The following VPS13C variants were observed in gnomAD, a reference collection of about 807,000 sequenced individuals.
VPS13C encodes the protein vacuolar protein sorting 13 homolog C, also known as intermembrane lipid transfer protein VPS13C.
A neutral mutation model predicts 456.8 loss-of-function variants in VPS13C; 358 were observed. That is an observed-to-expected ratio of 0.78 (90% CI 0.72 to 0.86). VPS13C has a LOEUF of 0.86. VPS13C is among the 40% of genes least tolerant of loss of function. VPS13C has a pLI of 0.00. For synonymous variants in VPS13C, 1,578 were observed against 1,486.7 expected, an observed-to-expected ratio of 1.06 and a Z score of -1.41; for missense variants, 4,818 against 4,385.4, an observed-to-expected ratio of 1.10 and a Z score of -2.79.
intron 35 of VPS13C, among the ~76,000 whole-genome samples, chr15:61,960,741 T>C (rs1596385755): frequency 6.6e-6 from 1 of 152,188 alleles, no homozygotes; most frequent in Non-Finnish European, 1.5e-5. Context: ...TTTCCATTTT[T>C]CTGTAGGTCT....
chr15:61,853,752 T>C lies in VPS13C; in HGVS notation c.*705A>G, dbSNP rs368191734. 1 of 152,178 alleles carries C rather than the reference T, an allele frequency of 6.6e-6. No individual in the cohort carries two copies. The allele number at this position is 152,178 out of a possible 1,614,324, so 9.4% of individuals were successfully genotyped here. A position where few individuals can be genotyped will look rare whatever the true frequency, so the allele number is the denominator to read the frequency against. On this transcript the variant is annotated 3_prime_UTR_variant, in exon 85 of 85. Coordinates refer to ENST00000644861, the MANE Select transcript of VPS13C (RefSeq NM_020821.3). The stretch of plus-strand genomic sequence containing the variant: ...ACATTTGTTCATGGGTTAAAGCCTT[T>C]TGGCGGGCCGTGGTGGCTCATGCCT...
intron 27 of VPS13C, among the ~76,000 whole-genome samples, chr15:61,970,152 A>G (rs1408398396): frequency 6.6e-6 from 1 of 152,208 alleles, no homozygotes. Flanking sequence ...CTGAGAGGCC[A>G]TAAGTAGGTG....
At chr15:61,865,374 T>C (rs17303873) in intron 81 of VPS13C, 31,944 of 979,144 alleles carry the variant, frequency 0.033, 1,094 homozygotes, top group East Asian at 0.2. Flanking sequence ...CCTCAATAGA[T>C]GGCAATACAA....
At chr15:62,012,046 A>G (rs1025833488) in intron 12 of VPS13C, 61 bp downstream of exon 12, 206 of 1,031,636 alleles carry the variant, frequency 2.0e-4, no homozygotes, top group Admixed American at 3.2e-4. Context: ...CTATGTTAAA[A>G]TAATGTATTT....
rs559522464 is a variant in VPS13C at position 61,959,790 on chromosome 15, T to C, written c.3909-195A>G. ...GGACAAATTAAAAGGTGATATACAATGAACCATTAAGAAAACTTTTTTCTT... is the reference window on the plus strand; with the variant it reads ...GGACAAATTAAAAGGTGATATACAACGAACCATTAAGAAAACTTTTTTCTT... On this transcript the variant is annotated intron_variant, in intron 35 of 84. Transcript: ENST00000644861. Among the ~76,000 whole-genome samples the C allele has an allele frequency of 3.3e-5, 5 of 152,266 alleles. No individual in the cohort carries two copies. In the East Asian group the frequency reaches 9.6e-4, roughly 29 times the overall value.
intron 18 of VPS13C, among the ~76,000 whole-genome samples, chr15:61,985,964 A>G (rs149227284): frequency 1.7e-3 from 253 of 152,144 alleles, no homozygotes; most frequent in African/African-American, 5.6e-3. Context: ...CTGGGACCCT[A>G]AAGGGCTATA....
intron 1 of VPS13C, among the ~76,000 whole-genome samples, chr15:62,056,078 A>G (rs193239828): frequency 1.3e-5 from 2 of 152,228 alleles, no homozygotes; most frequent in African/African-American, 4.8e-5. Context: ...TAGGCTAGTT[A>G]GACATTCCAG....
In VPS13C at chr15:61,915,779, A is replaced by G. The variant is rs528963765; in HGVS notation, c.8299T>C (p.Ser2767Pro). Residue 2767 changes from serine to proline, a missense_variant, in exon 61 of 85, where the codon TCT (serine) becomes CCT (proline). Coordinates refer to ENST00000644861, the MANE Select transcript of VPS13C (RefSeq NM_020821.3). Reference sequence around the variant, plus strand: ...ATTAACCAATAGGGACTAAAGACAGACAGCACCATCCGGCTGCCAATTCTC... The same window carrying G: ...ATTAACCAATAGGGACTAAAGACAGGCAGCACCATCCGGCTGCCAATTCTC... ...VRRIGSRMVLSVFSPYWLINK... is the reference protein window; with the variant it reads ...VRRIGSRMVLPVFSPYWLINK... 1 of 1,614,154 alleles carries G rather than the reference A, an allele frequency of 6.2e-7. No individual in the cohort carries two copies. The highest frequency in any genetic ancestry group is 1.1e-5 in the South Asian group (1 of 91,082).
chr15:62,014,591 T>C (rs1042380640), intron 9 of VPS13C, among the ~76,000 whole-genome samples: 2 of 152,122 alleles, frequency 1.3e-5, no homozygotes, highest in African/African-American at 2.4e-5. Flanking sequence ...GAAAAATAAA[T>C]GGTATGGATA....
intron 24 of VPS13C, 107 bp from the exon 25 acceptor site, chr15:61,974,524 T>C: frequency 8.3e-7 from 1 of 1,209,868 alleles, no homozygotes; most frequent in Non-Finnish European, 1.1e-6. Context: ...TTTTGACATG[T>C]TTTAATCTAA....
chr15:61,918,374 T>C lies in VPS13C; in HGVS notation c.7639-117A>G, dbSNP rs531099325. On this transcript the variant is annotated intron_variant, in intron 58 of 84. Coordinates refer to ENST00000644861, the MANE Select transcript of VPS13C (RefSeq NM_020821.3). ...AAATTTCAAACTCAGTATTGGAAGA[T>C]ATTTTTATTGGCAATTGAAAAATTT... 2.2e-5 allele frequency: 22 copies of C among 979,244 alleles called. No individual in the cohort carries two copies. In the South Asian group the frequency reaches 3.3e-4, roughly 15 times the overall value. The allele number at this position is 979,244 out of a possible 1,614,324, so 60.7% of individuals were successfully genotyped here. A position where few individuals can be genotyped will look rare whatever the true frequency, so the allele number is the denominator to read the frequency against.
At chr15:61,930,378 G>C (rs1488851716) in intron 50 of VPS13C, among the ~76,000 whole-genome samples, 2 of 152,154 alleles carry the variant, frequency 1.3e-5, no homozygotes, top group Non-Finnish European at 2.9e-5. Flanking sequence ...AACTAGAAAA[G>C]CTGGGTGCAT....
At chr15:61,953,276 A>G (rs1189916067) in intron 38 of VPS13C, among the ~76,000 whole-genome samples, 1 of 151,552 alleles carries the variant, frequency 6.6e-6, no homozygotes, top group Non-Finnish European at 1.5e-5. Context: ...TTTAGGGTAC[A>G]TGTGCACAAT....
intron 49 of VPS13C, among the ~76,000 whole-genome samples, chr15:61,933,274 T>C (rs1292465516): frequency 6.6e-6 from 1 of 152,186 alleles, no homozygotes; most frequent in East Asian, 1.9e-4. Flanking sequence ...CTGCTCATTT[T>C]TGGTAAGGTC....
chr15:62,018,835 T>C (rs896887791), intron 9 of VPS13C, among the ~76,000 whole-genome samples: 24 of 152,174 alleles, frequency 1.6e-4, no homozygotes, highest in African/African-American at 5.8e-4. Flanking sequence ...TCTTTTTCTA[T>C]TGATTGGAAT....
intron 17 of VPS13C, 86 bp from the exon 18 acceptor site, chr15:61,991,180 A>G (rs974590065): frequency 2.4e-5 from 25 of 1,030,128 alleles, no homozygotes; most frequent in Non-Finnish European, 3.6e-5. Context: ...CAAGTATCCT[A>G]AAATCAACAG....
intron 40 of VPS13C, among the ~76,000 whole-genome samples, 164 bp from the exon 41 acceptor site, chr15:61,950,581 A>C (rs2044753914): frequency 6.6e-6 from 1 of 151,790 alleles, no homozygotes; most frequent in East Asian, 1.9e-4. Flanking sequence ...AAACAAACTG[A>C]CCACATAAGC....
At chr15:62,015,166 A>T (rs1019951431) in intron 9 of VPS13C, among the ~76,000 whole-genome samples, 2 of 152,178 alleles carry the variant, frequency 1.3e-5, no homozygotes, top group Admixed American at 6.6e-5. Context: ...TTTCTGGAAC[A>T]ATTCTCTCTC....
chr15:61,940,867 C>G (rs2044397539), intron 46 of VPS13C, 73 bp from the exon 47 acceptor site: 1 of 1,426,578 alleles, frequency 7.0e-7, no homozygotes, highest in South Asian at 1.4e-5. Context: ...TATTGTGTAA[C>G]AGTTTCCACA....
Sources: gnomAD v4.1 joint callset for allele counts (sites outside exome capture counted in the v4.1 genomes callset) on GRCh38, gnomAD v4.1.1 for gene constraint, MANE v1.5 for transcripts, NCBI Gene and HGNC (gene_info 2026-07-23, HGNC 2026-07-21) for gene names.